Variants in CCDC73 observed in about 807,000 individuals in gnomAD.
The protein encoded by CCDC73 is coiled-coil domain-containing protein 73.
CCDC73 carries 95 observed loss-of-function variants against 116.5 expected under a neutral mutation model. That is an observed-to-expected ratio of 0.82 (90% CI 0.69 to 0.97). CCDC73 has a LOEUF of 0.97. Among genes scored for constraint, CCDC73 ranks in the 50% least tolerant of loss-of-function variants. CCDC73 has a pLI of 0.00. For synonymous variants in CCDC73, 398 were observed against 401.3 expected (o/e 0.99, Z 0.10); for missense variants, 1,066 against 1,206.8 (o/e 0.88, Z 1.73).
intron 6 of CCDC73, among the ~76,000 whole-genome samples, chr11:32,684,938 G>A (rs1446329021): frequency 2.0e-5 from 3 of 151,950 alleles, no homozygotes; most frequent in Non-Finnish European, 4.4e-5. Flanking sequence ...TTGAGACTGC[G>A]CCAGTGCACT....
chr11:32,819,596 G>A, the CCDC73 span, among the ~76,000 whole-genome samples: 1 of 151,892 alleles, frequency 6.6e-6, no homozygotes, highest in Non-Finnish European at 1.5e-5. Flanking sequence ...CCAAGTAGCT[G>A]AGACAACAGG....
intron 2 of CCDC73, among the ~76,000 whole-genome samples, chr11:32,741,768 T>C (rs975673512): frequency 6.6e-6 from 1 of 152,012 alleles, no homozygotes; most frequent in African/African-American, 2.4e-5. Flanking sequence ...CATCAACCTG[T>C]CATGTACATT....
At chr11:32,754,005 T>C (rs1850310992) in intron 2 of CCDC73, among the ~76,000 whole-genome samples, 1 of 152,266 alleles carries the variant, frequency 6.6e-6, no homozygotes, top group African/African-American at 2.4e-5. Context: ...GACTTGTCTT[T>C]TTAATGATTT....
chr11:32,722,019 G>GT (rs1346365717), intron 2 of CCDC73, among the ~76,000 whole-genome samples: 4 of 152,122 alleles, frequency 2.6e-5, no homozygotes, highest in African/African-American at 9.7e-5. Flanking sequence ...TTAGCCGCAA[G>GT]TAACAACAAC....
In CCDC73 at chr11:32,702,963, C is replaced by G. The variant is rs943072655; in HGVS notation, c.208-19G>C. 1 of 1,524,384 alleles carries G rather than the reference C, an allele frequency of 6.6e-7. No homozygotes were observed. Among genetic ancestry groups the G allele is most frequent in the Non-Finnish European group, 9.1e-7 (1 of 1,098,538 alleles). The allele number at this position is 1,524,384 out of a possible 1,614,324, so 94.4% of individuals were successfully genotyped here. On this transcript the variant is annotated intron_variant, in intron 3 of 17. Coordinates refer to ENST00000335185, the MANE Select transcript of CCDC73 (RefSeq NM_001008391.4). ...GAGTTTCCTGTTTTAAAAATTATGA[C>G]AAGTTAAAACACAAATTCTAGCAAC...
chr11:32,684,949 C>T (rs34785704), intron 6 of CCDC73, among the ~76,000 whole-genome samples: 3,302 of 152,036 alleles, frequency 0.022, 66 homozygotes, highest in South Asian at 0.052. Context: ...CCAGTGCACT[C>T]CAGCCTGAGT....
At chr11:32,741,303 A>C (rs763357110) in intron 2 of CCDC73, among the ~76,000 whole-genome samples, 40 of 152,106 alleles carry the variant, frequency 2.6e-4, no homozygotes, top group Non-Finnish European at 1.2e-4. Flanking sequence ...ATGAAAGTCT[A>C]TCTCTCTCTT....
At chr11:32,626,118 C>T (rs1855571221) in intron 14 of CCDC73, among the ~76,000 whole-genome samples, 1 of 151,830 alleles carries the variant, frequency 6.6e-6, no homozygotes, top group African/African-American at 2.4e-5. Flanking sequence ...AGCTGATAGG[C>T]AACTTCAGCA....
intron 13 of CCDC73, among the ~76,000 whole-genome samples, chr11:32,641,450 T>C (rs548616271): frequency 1.3e-5 from 2 of 152,142 alleles, no homozygotes; most frequent in African/African-American, 4.8e-5. Context: ...GAAACAGCCA[T>C]GTTTAGAATA....
intron 10 of CCDC73, among the ~76,000 whole-genome samples, chr11:32,654,603 G>A (rs12292159): frequency 0.01 from 1,575 of 152,214 alleles, 26 homozygotes; most frequent in African/African-American, 0.036. Flanking sequence ...AAGCTGTCCT[G>A]GAGATACCAC....
intron 1 of CCDC73, among the ~76,000 whole-genome samples, chr11:32,773,462 T>C (rs948600031): frequency 1.1e-4 from 16 of 152,122 alleles, no homozygotes; most frequent in Non-Finnish European, 1.6e-4. Context: ...AAAAGCTATT[T>C]TTAAAAAGTG....
chr11:32,626,382 G>A (rs1202128244), intron 14 of CCDC73, among the ~76,000 whole-genome samples: 1 of 151,754 alleles, frequency 6.6e-6, no homozygotes. Context: ...AATCAATATC[G>A]TGAAAATGGC....
chr11:32,774,862 G>A (rs1214929436), intron 1 of CCDC73, among the ~76,000 whole-genome samples: 2 of 152,112 alleles, frequency 1.3e-5, no homozygotes, highest in Non-Finnish European at 2.9e-5. Flanking sequence ...GACAGACATG[G>A]AAACCAACAG....
intron 6 of CCDC73, among the ~76,000 whole-genome samples, chr11:32,689,317 A>C (rs1590595220): frequency 6.6e-6 from 1 of 152,192 alleles, no homozygotes; most frequent in Non-Finnish European, 1.5e-5. Flanking sequence ...AGCAAATGCA[A>C]AAGAGCTCTG....
chr11:32,781,445 T>C (rs556820699), intron 1 of CCDC73, among the ~76,000 whole-genome samples: 1 of 152,310 alleles, frequency 6.6e-6, no homozygotes, highest in African/African-American at 2.4e-5. Flanking sequence ...CATCACTCTC[T>C]CCTCTTTCTC....
chr11:32,829,836 G>C, the CCDC73 span: 3 of 985,300 alleles, frequency 3.0e-6, no homozygotes, highest in East Asian at 3.4e-4. Context: ...GGGAGACGCC[G>C]GCCCACTGCC....
intron 2 of CCDC73, among the ~76,000 whole-genome samples, chr11:32,746,457 A>G (rs1850240552): frequency 6.6e-6 from 1 of 152,080 alleles, no homozygotes; most frequent in Admixed American, 6.6e-5. Context: ...TATTTTTTGA[A>G]TTTGAATGTT....
intron 12 of CCDC73, among the ~76,000 whole-genome samples, chr11:32,646,868 T>C (rs1387717018): frequency 6.6e-6 from 1 of 152,220 alleles, no homozygotes; most frequent in African/African-American, 2.4e-5. Context: ...TTGGTTCTAC[T>C]TTTTAGAAGA....
chr11:32,801,736 A>G, the CCDC73 span, among the ~76,000 whole-genome samples: 9 of 152,352 alleles, frequency 5.9e-5, no homozygotes, highest in Admixed American at 1.3e-4. Context: ...CATCTGCTAC[A>G]AAAATCGGTG....
Sources: allele counts gnomAD v4.1 joint callset (sites outside exome capture counted in the v4.1 genomes callset), GRCh38; gene constraint gnomAD v4.1.1; transcripts MANE v1.5; gene names NCBI Gene and HGNC (gene_info 2026-07-23, HGNC 2026-07-21).